TANC2: variants seen among roughly 807,000 people sequenced by gnomAD.
TANC2 encodes tetratricopeptide repeat, ankyrin repeat and coiled-coil containing 2.
TANC2 carries 26 observed loss-of-function variants against 210.5 expected under a neutral mutation model. That is an observed-to-expected ratio of 0.12 (90% CI 0.09 to 0.17). TANC2 has a LOEUF of 0.17. Among genes scored for constraint, TANC2 ranks in the 10% least tolerant of loss-of-function variants. The probability of loss-of-function intolerance (pLI) is 1.00; values close to 1 mark genes in which losing one functional copy is unlikely to be tolerated. For missense variants in TANC2, 2,129 were observed against 2,608.9 expected (o/e 0.82, Z 4.01); for synonymous variants, 931 against 967.1 (o/e 0.96, Z 0.69).
intron 3 of TANC2, 44 bp downstream of exon 3, chr17:63,074,058 A>G: frequency 6.7e-7 from 1 of 1,488,576 alleles, no homozygotes; most frequent in Non-Finnish European, 9.1e-7. Context: ...AAAAATAACG[A>G]TAGATATTTC....
At chr17:62,994,064 G>A (rs946834985) in intron 1 of TANC2, among the ~76,000 whole-genome samples, 1 of 152,198 alleles carries the variant, frequency 6.6e-6, no homozygotes, top group South Asian at 2.1e-4. Context: ...TTTGTGAATA[G>A]AGACTGAGTT....
chr17:63,207,255 G>A (rs1037189254), intron 7 of TANC2, among the ~76,000 whole-genome samples: 10 of 117,076 alleles, frequency 8.5e-5, no homozygotes, highest in African/African-American at 1.7e-4. Context: ...TCGCACTTTC[G>A]CCCAGGCTGG....
intron 1 of TANC2, chr17:63,005,119 T>A (rs1254926025): frequency 1.3e-5 from 2 of 152,368 alleles, no homozygotes; most frequent in Non-Finnish European, 2.9e-5. Context: ...GATGTTTATT[T>A]TGAATTAATT....
intron 7 of TANC2, among the ~76,000 whole-genome samples, chr17:63,222,417 T>A (rs935893619): frequency 7.9e-5 from 12 of 152,170 alleles, no homozygotes; most frequent in Non-Finnish European, 1.5e-4. Context: ...TACAACATCA[T>A]GGATAAATGT....
chr17:63,347,031 A>G (rs953567235), intron 12 of TANC2, among the ~76,000 whole-genome samples: 1 of 152,220 alleles, frequency 6.6e-6, no homozygotes, highest in Non-Finnish European at 1.5e-5. Context: ...AGTTAAATGT[A>G]CATCTACTTT....
chr17:63,262,380 G>C (rs2043389455), intron 8 of TANC2, among the ~76,000 whole-genome samples: 1 of 152,138 alleles, frequency 6.6e-6, no homozygotes, highest in Non-Finnish European at 1.5e-5. Flanking sequence ...TCAGAGATGA[G>C]GTCTTGCTTT....
exon 6 of TANC2, chr17:63,194,132 A>G: frequency 1.9e-6 from 3 of 1,612,564 alleles, no homozygotes; most frequent in Non-Finnish European, 2.5e-6. Context: ...GTACAGGATG[A>G]AAATCAGGTA....
chr17:63,103,940 TGTG>T (rs1316325592), intron 4 of TANC2, among the ~76,000 whole-genome samples: 1 of 152,166 alleles, frequency 6.6e-6, no homozygotes, highest in South Asian at 2.1e-4. Flanking sequence ...TAAAATGTCT[TGTG>T]GAGGATAATA....
At chr17:63,091,957 T>G (rs986349664) in intron 3 of TANC2, among the ~76,000 whole-genome samples, 2 of 152,216 alleles carry the variant, frequency 1.3e-5, no homozygotes, top group African/African-American at 4.8e-5. Flanking sequence ...CCTAGGTATT[T>G]TATTCTCTTT....
intron 8 of TANC2, among the ~76,000 whole-genome samples, chr17:63,244,823 TG>T (rs1171276163): frequency 6.6e-6 from 1 of 152,232 alleles, no homozygotes; most frequent in African/African-American, 2.4e-5. Flanking sequence ...AATTGAATCA[TG>T]GAGGCAGGTC....
chr17:63,024,655 G>T (rs536143323), intron 2 of TANC2, among the ~76,000 whole-genome samples: 1 of 152,236 alleles, frequency 6.6e-6, no homozygotes, highest in South Asian at 2.1e-4. Context: ...ACACATTTGC[G>T]TGTGTTCTGT....
chr17:63,126,711 C>G (rs1273373302), intron 4 of TANC2, among the ~76,000 whole-genome samples: 1 of 152,082 alleles, frequency 6.6e-6, no homozygotes, highest in Admixed American at 6.6e-5. Context: ...GCCCGACTCA[C>G]TAAGGTTTTA....
chr17:62,967,703 G>A (rs2031432894), intron 1 of TANC2: 1 of 152,160 alleles, frequency 6.6e-6, no homozygotes, highest in Admixed American at 6.5e-5. Flanking sequence ...ACAAAGCAGT[G>A]TGGTGAACAA....
At chr17:63,088,565 G>A (rs2037061942) in intron 3 of TANC2, 1 of 152,188 alleles carries the variant, frequency 6.6e-6, no homozygotes, top group Admixed American at 6.5e-5. Context: ...CTGTTGTCGA[G>A]TTTTCTCCAA....
At chr17:62,991,639 C>CA (rs576514397) in intron 1 of TANC2, among the ~76,000 whole-genome samples, 3,843 of 61,980 alleles carry the variant, frequency 0.062, 144 homozygotes, top group African/African-American at 0.17. Flanking sequence ...GACTCCGTCT[C>CA]AAAAAAAAAA....
At position 63,412,292 on chromosome 17, in the gene TANC2, G is replaced by T. The variant is rs950023511; in HGVS notation, c.3898+162G>T. Among the ~76,000 whole-genome samples, 1 of 152,096 alleles carries T rather than the reference G, an allele frequency of 6.6e-6. No individual in the cohort carries two copies. Among genetic ancestry groups the T allele is most frequent in the African/African-American group, 2.4e-5 (1 of 41,408 alleles). On this transcript the variant is annotated intron_variant, in intron 23 of 27. Transcript: ENST00000689528. This position sits in a 1 kb window ranked among gnomAD's most constrained non-coding sequence, Gnocchi z 4.2. ...GAGAGGCTCTTGGCCCAGGGAAAGC[G>T]CCATCTGAGCCATGGTCTGCAGTCC...
intron 11 of TANC2, among the ~76,000 whole-genome samples, chr17:63,328,386 GTGTGTGTGTGTGTGTGTGTGTATTCAT>G (rs1321255809): frequency 1.3e-5 from 2 of 150,418 alleles, no homozygotes; most frequent in African/African-American, 5.0e-5. Context: ...ATGTGTGTGT[GTGTGTGTGTGTGTGTGTGTGTATTCAT>G]TGTGTGTGTG....
chr17:63,332,430 C>A (rs2146724460), intron 11 of TANC2: 1 of 348,000 alleles, frequency 2.9e-6, no homozygotes, highest in Admixed American at 3.5e-5. Context: ...TGGTAATGAA[C>A]AGACTCTGCA....
At chr17:63,236,249 T>TA (rs2042616447) in intron 7 of TANC2, among the ~76,000 whole-genome samples, 1 of 152,080 alleles carries the variant, frequency 6.6e-6, no homozygotes, top group Admixed American at 6.5e-5. Context: ...CTGAAAATTT[T>TA]ACCACTAATA....
Sources: gnomAD v4.1 joint callset for allele counts (sites outside exome capture counted in the v4.1 genomes callset) on GRCh38, gnomAD v4.1.1 for gene constraint, Gnocchi (gnomAD v3.1) non-coding constraint, MANE v1.5 for transcripts, NCBI Gene and HGNC (gene_info 2026-07-23, HGNC 2026-07-21) for gene names.